Variants in DCBLD2 observed in about 807,000 individuals in gnomAD.
DCBLD2 encodes discoidin, CUB and LCCL domain-containing protein 2.
DCBLD2 carries 54 observed loss-of-function variants against 86.8 expected under a neutral mutation model. That is an observed-to-expected ratio of 0.62 (90% confidence interval 0.50 to 0.78). The LOEUF (loss-of-function observed/expected upper bound fraction) is 0.78. Ranked by LOEUF, DCBLD2 falls within the 30% of genes least tolerant of loss-of-function variation. DCBLD2 has a pLI of 0.00. For synonymous variants in DCBLD2, 354 were observed against 341.3 expected (o/e 1.04, Z -0.41); for missense variants, 908 against 954.2 (o/e 0.95, Z 0.64).
chr3:98,867,239 T>G (rs1943165603), intron 2 of DCBLD2, among the ~76,000 whole-genome samples: 1 of 152,252 alleles, frequency 6.6e-6, no homozygotes, highest in Non-Finnish European at 1.5e-5. Flanking sequence ...TCCAATTCTG[T>G]GAAGAAAGTC....
chr3:98,898,614 T>C (rs1943791378), intron 1 of DCBLD2, among the ~76,000 whole-genome samples: 1 of 152,106 alleles, frequency 6.6e-6, no homozygotes, highest in South Asian at 2.1e-4. Context: ...CTCTACCTTG[T>C]AGCTGAACAT....
At chr3:98,809,990 A>C (rs571473719) in intron 12 of DCBLD2, among the ~76,000 whole-genome samples, 1 of 152,314 alleles carries the variant, frequency 6.6e-6, no homozygotes, top group South Asian at 2.1e-4. Flanking sequence ...CTTAGGTTCA[A>C]AAAATAAATT....
At chr3:98,855,463 T>C (rs79605681) in intron 2 of DCBLD2, among the ~76,000 whole-genome samples, 1 of 152,362 alleles carries the variant, frequency 6.6e-6, no homozygotes, top group Non-Finnish European at 1.5e-5. Flanking sequence ...CTTCTACGTA[T>C]AGAAATGTGT....
At chr3:98,844,538 T>C (rs2107478359) in intron 3 of DCBLD2, among the ~76,000 whole-genome samples, 1 of 152,144 alleles carries the variant, frequency 6.6e-6, no homozygotes, top group African/African-American at 2.4e-5. Flanking sequence ...ATTTTTTATA[T>C]TTTTAGTAAA....
At chr3:98,895,873 C>A (rs762573581) in intron 1 of DCBLD2, among the ~76,000 whole-genome samples, 1 of 152,180 alleles carries the variant, frequency 6.6e-6, no homozygotes, top group Non-Finnish European at 1.5e-5. Context: ...GAGGTACATG[C>A]ACACTCTCTT....
At chr3:98,851,459 C>T (rs1200180879) in intron 2 of DCBLD2, among the ~76,000 whole-genome samples, 1 of 152,130 alleles carries the variant, frequency 6.6e-6, no homozygotes, top group Non-Finnish European at 1.5e-5. Flanking sequence ...AATGGAAAAA[C>T]ATTCCATGCT....
At chr3:98,893,481 A>G (rs902373853) in intron 1 of DCBLD2, among the ~76,000 whole-genome samples, 1 of 152,114 alleles carries the variant, frequency 6.6e-6, no homozygotes, top group Non-Finnish European at 1.5e-5. Context: ...GACAGTGTAA[A>G]TGACAGTTTC....
At chr3:98,804,913 T>C (rs1161190721) in intron 13 of DCBLD2, 1 of 152,298 alleles carries the variant, frequency 6.6e-6, no homozygotes, top group African/African-American at 2.4e-5. Flanking sequence ...GAGAGACAGT[T>C]TGTTATAATT....
Position 98,901,533 on chromosome 3 carries a change from C to A in DCBLD2, c.-207G>T. 1 of 408,632 alleles carries A rather than the reference C, an allele frequency of 2.4e-6. No homozygotes were observed. Among genetic ancestry groups the A allele is most frequent in the Non-Finnish European group, 4.0e-6 (1 of 247,618 alleles). 25.3% of individuals were successfully genotyped at this position (408,632 alleles called of 1,614,324 possible). On this transcript the variant is annotated 5_prime_UTR_variant, in exon 1 of 16. Transcript: ENST00000326840. Reference sequence around the variant, plus strand: ...TTCCCTCCGCTCCCCGCGCCGAGACCCCAGGCCGGAGCGCAGGGGAGGGGA... The same window carrying A: ...TTCCCTCCGCTCCCCGCGCCGAGACACCAGGCCGGAGCGCAGGGGAGGGGA...
intron 1 of DCBLD2, among the ~76,000 whole-genome samples, chr3:98,888,851 G>A (rs1386017570): frequency 6.6e-6 from 1 of 151,916 alleles, no homozygotes. Context: ...TCACTCTCAG[G>A]ACCACAACCT....
chr3:98,832,772 T>C lies in DCBLD2; in HGVS notation c.572-7406A>G, dbSNP rs182839645. ...TGTCAAATATAGGTCCCCAATCTCTTCCAGTTTGCAGGGTTTCAGCTGAGA... is the reference window on the plus strand; with the variant it reads ...TGTCAAATATAGGTCCCCAATCTCTCCCAGTTTGCAGGGTTTCAGCTGAGA... On this transcript the variant is annotated intron_variant, in intron 3 of 15. Transcript: ENST00000326840. 4.0e-4 allele frequency among the ~76,000 whole-genome samples: 61 copies of C among 152,338 alleles called. No homozygotes were observed. The East Asian group carries it at 9.6e-3, about 24-fold the overall frequency.
intron 14 of DCBLD2, 168 bp downstream of exon 14, chr3:98,801,432 A>G (rs1941716242): frequency 2.1e-6 from 1 of 473,732 alleles, no homozygotes; most frequent in Non-Finnish European, 3.8e-6. Context: ...GAATTACAAG[A>G]GACTTTGCAG....
chr3:98,862,952 G>T (rs1192345728), intron 2 of DCBLD2, among the ~76,000 whole-genome samples: 3 of 152,182 alleles, frequency 2.0e-5, no homozygotes, highest in African/African-American at 4.8e-5. Flanking sequence ...CAGATGACAT[G>T]ATTGTATATT....
intron 3 of DCBLD2, among the ~76,000 whole-genome samples, chr3:98,844,858 C>T (rs536976727): frequency 5.3e-5 from 8 of 152,168 alleles, no homozygotes; most frequent in Admixed American, 1.3e-4. Context: ...AAAGTCTGGC[C>T]GTGGTAGATG....
rs1386735011 is a variant in DCBLD2, at chr3:98,820,415, A to C, written c.831-127T>G. ...AAGAACCAAGAAGACTGTGTGGCTA[A>C]AAATTAGACAACTAATATTGTTCCT... On this transcript the variant is annotated intron_variant, in intron 6 of 15. Coordinates refer to ENST00000326840, the MANE Select transcript of DCBLD2 (RefSeq NM_080927.4). The C allele has an allele frequency of 1.4e-5, 8 of 575,012 alleles. No individual in the cohort carries two copies. The African/African-American group carries it at 1.5e-4, about 11-fold the overall frequency. 35.6% of individuals were successfully genotyped at this position (575,012 alleles called of 1,614,324 possible).
At chr3:98,818,005 CT>C (rs1186796674) in intron 8 of DCBLD2, 112 bp from the exon 9 acceptor site, 32 of 1,330,900 alleles carry the variant, frequency 2.4e-5, no homozygotes, top group Non-Finnish European at 3.3e-5. Flanking sequence ...CTAATTATGG[CT>C]CATTTCCATA....
chr3:98,868,805 T>C (rs548830434), intron 2 of DCBLD2, among the ~76,000 whole-genome samples: 4 of 152,326 alleles, frequency 2.6e-5, no homozygotes, highest in Middle Eastern at 3.4e-3. Flanking sequence ...GGGTGAGTAG[T>C]ATTCCACTGT....
At chr3:98,873,440 GCTCT>G (rs896905448) in intron 2 of DCBLD2, among the ~76,000 whole-genome samples, 1 of 152,012 alleles carries the variant, frequency 6.6e-6, no homozygotes, top group Non-Finnish European at 1.5e-5. Context: ...ATTTTACAAT[GCTCT>G]CTGACTATAA....
intron 2 of DCBLD2, among the ~76,000 whole-genome samples, chr3:98,861,362 T>C (rs1038421579): frequency 1.3e-5 from 2 of 152,192 alleles, no homozygotes; most frequent in African/African-American, 4.8e-5. Flanking sequence ...AACTTAGCTC[T>C]GCACCAAGCA....
Sources: allele counts gnomAD v4.1 joint callset (sites outside exome capture counted in the v4.1 genomes callset), GRCh38; gene constraint gnomAD v4.1.1; transcripts MANE v1.5; gene names NCBI Gene and HGNC (gene_info 2026-07-23, HGNC 2026-07-21).